CADM2: variants seen among roughly 807,000 people sequenced by gnomAD.
CADM2 encodes the protein immunoglobulin superfamily member 4D.
Under a neutral mutation model 49.8 loss-of-function variants are expected in CADM2, and 12 were observed. That is an observed-to-expected ratio of 0.24 (90% CI 0.15 to 0.39). The LOEUF (loss-of-function observed/expected upper bound fraction) is 0.39. CADM2 is among the 10% of genes least tolerant of loss of function. CADM2 has a pLI of 1.00. For missense variants in CADM2, 378 were observed against 492.3 expected (o/e 0.77, Z 2.20); for synonymous variants, 214 against 175.4 (o/e 1.22, Z -1.74).
intron 7 of CADM2, among the ~76,000 whole-genome samples, chr3:85,936,070 C>T (rs1721158548): frequency 6.6e-6 from 1 of 151,436 alleles, no homozygotes; most frequent in Admixed American, 6.6e-5. Context: ...GGAAGATTTC[C>T]AGCTGTTATT....
chr3:85,325,303 A>G (rs1344490927), intron 1 of CADM2, among the ~76,000 whole-genome samples: 1 of 152,220 alleles, frequency 6.6e-6, no homozygotes, highest in East Asian at 1.9e-4. Flanking sequence ...CATGTAATAC[A>G]TATTCAGTGG....
At chr3:85,907,082 C>T (rs915499752) in intron 5 of CADM2, among the ~76,000 whole-genome samples, 1 of 152,114 alleles carries the variant, frequency 6.6e-6, no homozygotes, top group Non-Finnish European at 1.5e-5. Context: ...GTCCAGTTCT[C>T]CACTGAGTTC....
chr3:85,363,564 T>G (rs1388249822), intron 1 of CADM2, among the ~76,000 whole-genome samples: 1 of 152,208 alleles, frequency 6.6e-6, no homozygotes, highest in Non-Finnish European at 1.5e-5. Context: ...CTTTCCACTA[T>G]TTATTATGTA....
chr3:85,961,192 C>T (rs1280230892), intron 7 of CADM2, among the ~76,000 whole-genome samples: 2 of 150,992 alleles, frequency 1.3e-5, no homozygotes, highest in African/African-American at 4.9e-5. Context: ...CTGGGCCACA[C>T]GACTTGAGCA....
rs150566177 is a variant in CADM2, at chr3:85,159,189, G to A, written c.61+199521G>A. 5.3e-3 allele frequency among the ~76,000 whole-genome samples: 800 copies of A among 152,232 alleles called. 6 individuals are homozygous for A. Among genetic ancestry groups the A allele is most frequent in the African/African-American group, 0.018 (760 of 41,552 alleles). Reference sequence around the variant, plus strand: ...CATGATTGCATCATATTCTGTCATAGAAATAGAACGTATTATTAATGTTTT... The same window carrying A: ...CATGATTGCATCATATTCTGTCATAAAAATAGAACGTATTATTAATGTTTT... On this transcript the variant is annotated intron_variant, in intron 1 of 9. Transcript: ENST00000383699.
At chr3:85,515,631 A>ATATATAT (rs1159969286) in intron 1 of CADM2, among the ~76,000 whole-genome samples, 21 of 118,404 alleles carry the variant, frequency 1.8e-4, no homozygotes, top group African/African-American at 6.4e-4. Flanking sequence ...ATATATATAT[A>ATATATAT]TTTTTTTTTT....
At chr3:85,039,173 G>T (rs2035339488) in intron 1 of CADM2, among the ~76,000 whole-genome samples, 1 of 152,016 alleles carries the variant, frequency 6.6e-6, no homozygotes. Context: ...AGCTTATTTT[G>T]TGTTTTTAGC....
intron 2 of CADM2, 115 bp from the exon 3 acceptor site, chr3:85,801,932 T>C: frequency 1.2e-6 from 1 of 805,518 alleles, no homozygotes; most frequent in Non-Finnish European, 1.9e-6. Context: ...GTTTTGTCGT[T>C]GTTTGGTTGT....
chr3:84,981,008 G>C (rs2036061), intron 1 of CADM2, among the ~76,000 whole-genome samples: 9,316 of 151,890 alleles, frequency 0.061, 402 homozygotes, highest in Non-Finnish European at 0.093. Flanking sequence ...TTAAGTTTTA[G>C]GGTACATGTG....
intron 1 of CADM2, among the ~76,000 whole-genome samples, chr3:84,973,312 T>A (rs889411234): frequency 6.6e-6 from 1 of 152,332 alleles, no homozygotes; most frequent in South Asian, 2.1e-4. Context: ...GTGAAATCAC[T>A]GCTTTACAAC....
At chr3:85,126,138 T>C (rs1382253718) in intron 1 of CADM2, among the ~76,000 whole-genome samples, 1 of 152,332 alleles carries the variant, frequency 6.6e-6, no homozygotes, top group African/African-American at 2.4e-5. Flanking sequence ...GAAGAGTCAC[T>C]GCATATGAAT....
intron 1 of CADM2, among the ~76,000 whole-genome samples, chr3:85,622,488 C>CT (rs1400051399): frequency 6.6e-6 from 1 of 152,052 alleles, no homozygotes; most frequent in Non-Finnish European, 1.5e-5. Context: ...TTTAGATTTG[C>CT]TTGTATCATG....
intron 2 of CADM2, among the ~76,000 whole-genome samples, chr3:85,741,947 A>C (rs936569887): frequency 6.6e-6 from 1 of 152,182 alleles, no homozygotes; most frequent in African/African-American, 2.4e-5. Context: ...CTCTTTTTTT[A>C]TAGCTTTTAC....
rs1166750210 is a variant in CADM2, at chr3:86,000,972, A to T, written c.970+39325A>T. Among the ~76,000 whole-genome samples the T allele has an allele frequency of 6.6e-5, 10 of 152,134 alleles. No individual in the cohort carries two copies. The East Asian group carries it at 1.9e-3, about 29-fold the overall frequency. ...TATACCAGAGGGGATGGTGGGAGAA[A>T]GTTTAGGGAGCTACTGAAATAATTC... On this transcript the variant is annotated intron_variant, in intron 8 of 9. Coordinates refer to ENST00000383699, the MANE Select transcript of CADM2 (RefSeq NM_001167675.2).
At chr3:84,971,469 T>C (rs1360758726) in intron 1 of CADM2, among the ~76,000 whole-genome samples, 1 of 152,166 alleles carries the variant, frequency 6.6e-6, no homozygotes, top group Non-Finnish European at 1.5e-5. Context: ...GTAAAACTAA[T>C]GGTGTTACCA....
intron 1 of CADM2, among the ~76,000 whole-genome samples, chr3:85,450,424 G>T (rs913579322): frequency 2.0e-5 from 3 of 151,844 alleles, no homozygotes; most frequent in Non-Finnish European, 4.4e-5. Flanking sequence ...ACAGAAAATG[G>T]TTTTGAACAA....
chr3:85,568,816 T>C (rs1219642103), intron 1 of CADM2, among the ~76,000 whole-genome samples: 3 of 151,720 alleles, frequency 2.0e-5, no homozygotes, highest in Non-Finnish European at 4.4e-5. Flanking sequence ...CCATATTGGC[T>C]AGGCTGGTTT....
At chr3:85,027,227 G>T (rs1194038487) in intron 1 of CADM2, among the ~76,000 whole-genome samples, 1 of 142,184 alleles carries the variant, frequency 7.0e-6, no homozygotes, top group East Asian at 2.1e-4. Flanking sequence ...CGATTCTCCT[G>T]CCTCAGCCTC....
intron 3 of CADM2, among the ~76,000 whole-genome samples, chr3:85,808,199 T>A (rs1308717964): frequency 6.6e-6 from 1 of 152,210 alleles, no homozygotes; most frequent in Non-Finnish European, 1.5e-5. Context: ...CTGCAAAAAC[T>A]AAATAGAAAA....
Sources: gnomAD v4.1 joint callset for allele counts (sites outside exome capture counted in the v4.1 genomes callset) on GRCh38, gnomAD v4.1.1 for gene constraint, MANE v1.5 for transcripts, NCBI Gene and HGNC (gene_info 2026-07-23, HGNC 2026-07-21) for gene names.